ELMO1: variants seen among roughly 807,000 people sequenced by gnomAD.
The protein encoded by ELMO1 is engulfment and cell motility 1, also known as engulfment and cell motility protein 1.
A neutral mutation model predicts 98.9 loss-of-function variants in ELMO1; 26 were observed. That is an observed-to-expected ratio of 0.26 (90% confidence interval 0.19 to 0.36). The LOEUF (loss-of-function observed/expected upper bound fraction) is 0.36. Among genes scored for constraint, ELMO1 ranks in the 10% least tolerant of loss-of-function variants. The pLI is 1.00. For synonymous variants in ELMO1, 346 were observed against 346.0 expected, an observed-to-expected ratio of 1.00 and a Z score of 0.00; for missense variants, 627 against 935.2, an observed-to-expected ratio of 0.67 and a Z score of 4.30.
chr7:37,285,761 G>A (rs1318199099), intron 4 of ELMO1, among the ~76,000 whole-genome samples: 4 of 152,282 alleles, frequency 2.6e-5, no homozygotes, highest in East Asian at 3.9e-4. Context: ...GTTTCCAGGG[G>A]AGAAGCAATC....
chr7:37,317,002 T>C lies in ELMO1; in HGVS notation c.79-1042A>G, dbSNP rs538908859. On this transcript the variant is annotated intron_variant, in intron 2 of 21. Coordinates refer to ENST00000310758, the MANE Select transcript of ELMO1 (RefSeq NM_014800.11). ...CATTTGCTGAACCCCAGTTAGTTTA[T>C]CTGTAAAATGGCAATAGGTTCTACC... Among the ~76,000 whole-genome samples the C allele has an allele frequency of 7.2e-5, 11 of 152,262 alleles. No individual in the cohort carries two copies. In the South Asian group the frequency reaches 2.1e-3, roughly 29 times the overall value.
chr7:36,972,032 T>G (rs1037989760), intron 16 of ELMO1, among the ~76,000 whole-genome samples: 2 of 152,192 alleles, frequency 1.3e-5, no homozygotes, highest in African/African-American at 4.8e-5. Context: ...AGGCAGTGGT[T>G]GCTTTCTGGC....
intron 13 of ELMO1, among the ~76,000 whole-genome samples, chr7:37,161,876 A>G (rs4720239): frequency 0.58 from 66,295 of 113,794 alleles, 21,672 homozygotes; most frequent in Non-Finnish European, 0.72. Context: ...GCTTCCACTA[A>G]GGCATTATAG....
chr7:37,290,682 G>A (rs1797631002), intron 4 of ELMO1, among the ~76,000 whole-genome samples: 1 of 152,132 alleles, frequency 6.6e-6, no homozygotes, highest in Non-Finnish European at 1.5e-5. Flanking sequence ...CTAATAAATA[G>A]AACAATATAT....
At chr7:37,196,297 C>T (rs115464261) in intron 13 of ELMO1, among the ~76,000 whole-genome samples, 1,549 of 152,294 alleles carry the variant, frequency 0.01, 28 homozygotes, top group African/African-American at 0.036. Flanking sequence ...GTGAAAGGGG[C>T]CAAACACTGG....
chr7:37,301,214 A>G (rs536701419), intron 4 of ELMO1, among the ~76,000 whole-genome samples: 1 of 152,228 alleles, frequency 6.6e-6, no homozygotes, highest in East Asian at 1.9e-4. Flanking sequence ...GGAGCAAAAT[A>G]AGAATGAAGT....
chr7:37,324,015 G>A (rs780990837), intron 2 of ELMO1, among the ~76,000 whole-genome samples: 1 of 152,112 alleles, frequency 6.6e-6, no homozygotes, highest in Non-Finnish European at 1.5e-5. Flanking sequence ...GCCACCAGGG[G>A]AGTCCTTGGC....
intron 16 of ELMO1, among the ~76,000 whole-genome samples, chr7:37,002,650 G>A (rs1392935625): frequency 6.6e-6 from 1 of 152,198 alleles, no homozygotes; most frequent in Non-Finnish European, 1.5e-5. Context: ...GCACTGTGTT[G>A]TAGACACAAA....
chr7:37,163,291 CTTT>C (rs1274205277), intron 13 of ELMO1, among the ~76,000 whole-genome samples: 1 of 151,188 alleles, frequency 6.6e-6, no homozygotes, highest in Non-Finnish European at 1.5e-5. Flanking sequence ...TCCTGTAATT[CTTT>C]TTATTATTAA....
chr7:37,048,079 C>T (rs1795902665), intron 15 of ELMO1, among the ~76,000 whole-genome samples: 1 of 152,188 alleles, frequency 6.6e-6, no homozygotes, highest in Non-Finnish European at 1.5e-5. Context: ...TTGATTTAAG[C>T]TAGGGTTTCT....
At chr7:37,143,627 G>A (rs539916627) in intron 13 of ELMO1, among the ~76,000 whole-genome samples, 7 of 151,192 alleles carry the variant, frequency 4.6e-5, no homozygotes, top group Non-Finnish European at 1.0e-4. Context: ...GGCTGATTTC[G>A]AACTCCTGAC....
chr7:37,400,219 CGCACACA>C (rs1223985563), intron 1 of ELMO1, among the ~76,000 whole-genome samples: 3 of 152,118 alleles, frequency 2.0e-5, no homozygotes, highest in African/African-American at 7.2e-5. Context: ...CCCTTTGTCT[CGCACACA>C]GCAGGGCTCA....
intron 4 of ELMO1, among the ~76,000 whole-genome samples, chr7:37,279,925 G>T (rs1233013608): frequency 6.6e-6 from 1 of 152,112 alleles, no homozygotes; most frequent in African/African-American, 2.4e-5. Context: ...TAATCCTGGA[G>T]GCATCACACT....
rs1179782413 is a variant in ELMO1 at position 36,861,666 on chromosome 7, T to C, written c.1976A>G (p.Lys659Arg). The change falls in exon 21 of 22, where the codon AAG becomes AGG. Residue 659 changes from lysine to arginine, a missense_variant. Lys to Arg is a conservative substitution (Grantham distance 26). Around this residue, in one of 3 missense-constraint regions of ELMO1, gnomAD observed 492 missense variants for 715.6 expected, o/e 0.69. Transcript: ENST00000310758. ...NCQLNFIAPD[K>R]HEYCIWTDGL... is the part of the protein sequence containing the mutation. ...CACCCCCGAGACCCTTACCTCATGCTTGTCAGGAGCGATGAAGTTCAGTTG... is the reference window on the plus strand; with the variant it reads ...CACCCCCGAGACCCTTACCTCATGCCTGTCAGGAGCGATGAAGTTCAGTTG... 3 of 1,612,112 alleles carry C rather than the reference T, an allele frequency of 1.9e-6. No homozygotes were observed. Among genetic ancestry groups the C allele is most frequent in the South Asian group, 2.2e-5 (2 of 90,982 alleles).
At chr7:37,078,535 T>C (rs1186708417) in intron 15 of ELMO1, among the ~76,000 whole-genome samples, 3 of 152,224 alleles carry the variant, frequency 2.0e-5, no homozygotes, top group African/African-American at 7.2e-5. Context: ...GAAAACTGCC[T>C]TTTATCTGAA....
chr7:37,046,750 G>C (rs1398061686), intron 15 of ELMO1, among the ~76,000 whole-genome samples: 1 of 152,194 alleles, frequency 6.6e-6, no homozygotes, highest in African/African-American at 2.4e-5. Flanking sequence ...AGGTCAAGAA[G>C]GGGCATCTTT....
chr7:37,015,231 A>G (rs895952340), intron 15 of ELMO1, among the ~76,000 whole-genome samples: 2 of 151,972 alleles, frequency 1.3e-5, no homozygotes, highest in Non-Finnish European at 2.9e-5. Flanking sequence ...GGGACAGAAG[A>G]TTTGGGTTCA....
chr7:36,964,262 T>A (rs1448719268), intron 16 of ELMO1, among the ~76,000 whole-genome samples: 1 of 152,232 alleles, frequency 6.6e-6, no homozygotes, highest in African/African-American at 2.4e-5. Flanking sequence ...ATATTTTAAG[T>A]TGAAAATTCA....
intron 1 of ELMO1, among the ~76,000 whole-genome samples, chr7:37,406,638 T>G (rs1351736123): frequency 1.3e-5 from 2 of 151,916 alleles, no homozygotes; most frequent in East Asian, 3.9e-4. Context: ...GGGGAGGGGT[T>G]TCACCGTGTT....
Sources: gnomAD v4.1 joint callset for allele counts (sites outside exome capture counted in the v4.1 genomes callset) on GRCh38, gnomAD v4.1.1 for gene constraint, gnomAD v4.1.1 regional missense constraint, MANE v1.5 for transcripts, NCBI Gene and HGNC (gene_info 2026-07-23, HGNC 2026-07-21) for gene names.